Variants in RPL14 observed in about 807,000 individuals in gnomAD.
The protein encoded by RPL14 is large ribosomal subunit protein eL14.
A neutral mutation model predicts 25.3 loss-of-function variants in RPL14; 4 were observed. The ratio of observed to expected loss-of-function variants is 0.16; its 90% CI spans 0.08 to 0.36. The LOEUF (loss-of-function observed/expected upper bound fraction) is 0.36. RPL14 is among the 10% of genes least tolerant of loss of function. The pLI, the probability that RPL14 is intolerant of heterozygous loss-of-function variation, is 1.00. For missense variants in RPL14, 212 were observed against 261.9 expected, an observed-to-expected ratio of 0.81 and a Z score of 1.31; for synonymous variants, 75 against 89.8, an observed-to-expected ratio of 0.84 and a Z score of 0.93.
At chr3:40,460,538 A>G (rs1696920853) in intron 3 of RPL14, among the ~76,000 whole-genome samples, 1 of 151,214 alleles carries the variant, frequency 6.6e-6, no homozygotes, top group South Asian at 2.1e-4. Flanking sequence ...AAAAAAAAAA[A>G]GAATGGTTTT....
At chr3:40,459,449 T>C (rs1231101160) in intron 3 of RPL14, among the ~76,000 whole-genome samples, 1 of 152,238 alleles carries the variant, frequency 6.6e-6, no homozygotes, top group African/African-American at 2.4e-5. Context: ...AGCAGTTCTT[T>C]TTTGACATGA....
rs549929404 is a variant in RPL14, at chr3:40,457,871, C to T, written c.4-19C>T. On this transcript the variant is annotated intron_variant, in intron 1 of 5. Transcript: ENST00000396203. ...GTATTTCTAAGTAAGTTTCACTGTC[C>T]TTTCTCCTCCAATTTTAGGTGTTCA... 4.4e-5 allele frequency: 71 copies of T among 1,609,594 alleles called. No individual in the cohort carries two copies. The South Asian group carries it at 4.7e-4, about 11-fold the overall frequency.
In RPL14 at chr3:40,459,383, C is replaced by G. The variant is rs545323635; in HGVS notation, c.200+647C>G. 5.9e-5 allele frequency among the ~76,000 whole-genome samples: 9 copies of G among 152,248 alleles called. No individual in the cohort carries two copies. In the East Asian group the frequency reaches 1.2e-3, roughly 20 times the overall value. On this transcript the variant is annotated intron_variant, in intron 3 of 5. Coordinates refer to ENST00000396203, the MANE Select transcript of RPL14 (RefSeq NM_001034996.3). ...AAGCTCTCAGTGTGTGTCAGTTACA[C>G]AGTATTTAATATAAGAGGTTTTATC...
chr3:40,458,775 A>G, intron 3 of RPL14, 39 bp downstream of exon 3: 3 of 1,540,254 alleles, frequency 1.9e-6, no homozygotes, highest in Non-Finnish European at 2.7e-6. Context: ...CCATCCCCAG[A>G]TTTGTTTATG....
chr3:40,458,015 A>C, intron 2 of RPL14, 24 bp downstream of exon 2: 3 of 1,594,708 alleles, frequency 1.9e-6, no homozygotes, highest in Non-Finnish European at 2.6e-6. Flanking sequence ...CTTTTTACTA[A>C]ACATGGCAGT....
rs760947305 is a variant in RPL14 at position 40,464,851 on chromosome 3, G to A, written c.*2619G>A. ...TGGTTGTGAGGGAACATGAGGCAGG[G>A]TAAAGTTTATCTAGGTAAAATGAGT... On this transcript the variant is annotated 3_prime_UTR_variant, in exon 6 of 6. Transcript: ENST00000396203. 5.0e-6 allele frequency: 1 copy of A among 201,346 alleles called. No homozygotes were observed. Among genetic ancestry groups the A allele is most frequent in the Non-Finnish European group, 1.0e-5 (1 of 95,736 alleles). The allele number at this position is 201,346 out of a possible 1,614,324, so 12.5% of individuals were successfully genotyped here. A position where few individuals can be genotyped will look rare whatever the true frequency, so the allele number is the denominator to read the frequency against.
rs76381909 is a variant in RPL14, at chr3:40,458,399, G to C, written c.106-243G>C. ...GTTGCCTGTAAATTACATGTGGTTG[G>C]TTTCTATGGGGTACTATATAGTTTA... On this transcript the variant is annotated intron_variant, in intron 2 of 5. Coordinates refer to ENST00000396203, the MANE Select transcript of RPL14 (RefSeq NM_001034996.3). 67 of 536,866 alleles carry C rather than the reference G, an allele frequency of 1.2e-4. 1 individual carries two copies. The highest frequency in any genetic ancestry group is 1.2e-3 in the African/African-American group (62 of 52,856). The allele number at this position is 536,866 out of a possible 1,614,324, so 33.3% of individuals were successfully genotyped here.
rs1237203553 is a variant in RPL14, at chr3:40,467,586, T to C, written c.*5354T>C. 1 of 152,314 alleles carries C rather than the reference T, an allele frequency of 6.6e-6. No homozygotes were observed. Among genetic ancestry groups the C allele is most frequent in the East Asian group, 1.9e-4 (1 of 5,200 alleles). 9.4% of individuals were successfully genotyped at this position (152,314 alleles called of 1,614,324 possible). On this transcript the variant is annotated 3_prime_UTR_variant, in exon 6 of 6. Transcript: ENST00000396203. ...TCTTTACTCAGTCTACCCATTCAAATGCCAATCTCTTCCAGAGGTAATCTC... is the reference window on the plus strand; with the variant it reads ...TCTTTACTCAGTCTACCCATTCAAACGCCAATCTCTTCCAGAGGTAATCTC...
In RPL14 at chr3:40,462,408, G is replaced by A. The variant is rs992438605; in HGVS notation, c.*176G>A. 9.6e-6 allele frequency: 6 copies of A among 626,096 alleles called. No homozygotes were observed. Among genetic ancestry groups the A allele is most frequent in the Non-Finnish European group, 1.2e-5 (5 of 416,114 alleles). 38.8% of individuals were successfully genotyped at this position (626,096 alleles called of 1,614,324 possible). On this transcript the variant is annotated 3_prime_UTR_variant, in exon 6 of 6. Coordinates refer to ENST00000396203, the MANE Select transcript of RPL14 (RefSeq NM_001034996.3). The stretch of plus-strand genomic sequence containing the variant: ...TTTTTTTTTTTTGAGATGGAGTCTC[G>A]TTCTGTTGCTCAGGCCGGACTGCAG...
intron 5 of RPL14, 74 bp from the exon 6 acceptor site, chr3:40,461,865 T>C: frequency 2.0e-6 from 3 of 1,499,738 alleles, no homozygotes; most frequent in Non-Finnish European, 2.7e-6. Flanking sequence ...TTAATGCCCT[T>C]TCTAAAACCA....
Position 40,461,461 on chromosome 3 carries a change from A to G in RPL14, c.255A>G (p.Lys85=), listed in dbSNP as rs765699702. Residue 85 remains lysine (K), a synonymous_variant, in exon 4 of 6, where the codon AAA becomes AAG. Coordinates refer to ENST00000396203, the MANE Select transcript of RPL14 (RefSeq NM_001034996.3). ...GGCAGAAGGCAGACATCAATACAAAATGGGCAGCCACACGATGGGCCAAGA... is the reference window on the plus strand; with the variant it reads ...GGCAGAAGGCAGACATCAATACAAAGTGGGCAGCCACACGATGGGCCAAGA... ...QAWQKADINT[K]WAATRWAKKI... 1.2e-6 allele frequency: 2 copies of G among 1,614,168 alleles called. No individual in the cohort carries two copies. Among genetic ancestry groups the G allele is most frequent in the Middle Eastern group, 3.3e-4 (2 of 6,062 alleles).
At chr3:40,457,519 C>A (rs370120857) in intron 1 of RPL14, 45 bp downstream of exon 1, 1 of 1,434,756 alleles carries the variant, frequency 7.0e-7, no homozygotes, top group Admixed American at 2.0e-5. Flanking sequence ...GGGCCCTTCC[C>A]GGACTCGCGC....
chr3:40,460,161 A>G (rs1238089093), intron 3 of RPL14, among the ~76,000 whole-genome samples: 1 of 152,176 alleles, frequency 6.6e-6, no homozygotes, highest in African/African-American at 2.4e-5. Context: ...ATGTTTGGCC[A>G]CAAATTGTTA....
intron 2 of RPL14, 36 bp downstream of exon 2, chr3:40,458,027 G>A: frequency 1.3e-6 from 2 of 1,541,318 alleles, no homozygotes; most frequent in Non-Finnish European, 1.8e-6. Flanking sequence ...CATGGCAGTG[G>A]ACATGTGCCC....
In RPL14 at chr3:40,459,020, T is replaced by TA. The variant is rs35873216; in HGVS notation, c.200+294dup. On this transcript the variant is annotated intron_variant, in intron 3 of 5. Coordinates refer to ENST00000396203, the MANE Select transcript of RPL14 (RefSeq NM_001034996.3). ...CGAAAACCCCCATCTCTACAAAAAA[T>TA]AAAAAAAAAATTCGTTGGGCATGGT... The TA allele has an allele frequency of 4.3e-3, 1,307 of 307,354 alleles. 3 individuals are homozygous for TA. The highest frequency in any genetic ancestry group is 0.011 in the South Asian group (328 of 28,756). The allele number at this position is 307,354 out of a possible 1,614,324, so 19.0% of individuals were successfully genotyped here. A position where few individuals can be genotyped will look rare whatever the true frequency, so the allele number is the denominator to read the frequency against.
At chr3:40,458,423 TAAG>T (rs1368310507) in intron 2 of RPL14, 4 of 575,884 alleles carry the variant, frequency 6.9e-6, no homozygotes, top group African/African-American at 5.6e-5. Flanking sequence ...CTATATAGTT[TAAG>T]AAGGAGCATT....
intron 3 of RPL14, chr3:40,459,084 G>A: frequency 3.7e-6 from 1 of 270,806 alleles, no homozygotes; most frequent in East Asian, 1.0e-4. Context: ...GGCCTTGGGG[G>A]TGCTGAGTTG....
chr3:40,467,963 G>A lies in RPL14; in HGVS notation c.*5731G>A, dbSNP rs1697052463. 1 of 152,174 alleles carries A rather than the reference G, an allele frequency of 6.6e-6. No homozygotes were observed. The highest frequency in any genetic ancestry group is 2.4e-5 in the African/African-American group (1 of 41,428). The allele number at this position is 152,174 out of a possible 1,614,324, so 9.4% of individuals were successfully genotyped here. On this transcript the variant is annotated 3_prime_UTR_variant, in exon 6 of 6. Transcript: ENST00000396203. The stretch of plus-strand genomic sequence containing the variant: ...AACCTCCTGAGTAGCTGGGATTACA[G>A]GAGTGTGCCACCACACCTGGCTAAT...
At position 40,458,180 on chromosome 3, in the gene RPL14, G is replaced by T. The variant is rs191277785; in HGVS notation, c.105+189G>T. On this transcript the variant is annotated intron_variant, in intron 2 of 5. Transcript: ENST00000396203. The stretch of plus-strand genomic sequence containing the variant: ...AGTTAGCTATTAGTATTGAATTTCA[G>T]TATTAGCCACTTAAGCTAGAGCCAG... 2.3e-5 allele frequency: 14 copies of T among 605,430 alleles called. No individual in the cohort carries two copies. In the Admixed American group the frequency reaches 4.1e-4, roughly 18 times the overall value. 37.5% of individuals were successfully genotyped at this position (605,430 alleles called of 1,614,324 possible).
Sources: gnomAD v4.1 joint callset for allele counts (sites outside exome capture counted in the v4.1 genomes callset) on GRCh38, gnomAD v4.1.1 for gene constraint, MANE v1.5 for transcripts, NCBI Gene and HGNC (gene_info 2026-07-23, HGNC 2026-07-21) for gene names.